Variants in TACO1 observed in about 807,000 individuals in gnomAD.
The protein encoded by TACO1 is translational activator of cytochrome c oxidase I.
A neutral mutation model predicts 24.0 loss-of-function variants in TACO1; 13 were observed. The observed-to-expected ratio is 0.54, with a 90% CI of 0.35 to 0.86. The LOEUF is 0.86. Among genes scored for constraint, TACO1 ranks in the 40% least tolerant of loss-of-function variants. The pLI, the probability that TACO1 is intolerant of heterozygous loss-of-function variation, is 0.01. For synonymous variants in TACO1, 149 were observed against 153.5 expected, an observed-to-expected ratio of 0.97 and a Z score of 0.22; for missense variants, 352 against 380.1, an observed-to-expected ratio of 0.93 and a Z score of 0.61.
In TACO1 at chr17:63,607,414, G is replaced by C; in HGVS notation, c.643G>C (p.Ala215Pro). The C allele has an allele frequency of 1.2e-6, 2 of 1,614,234 alleles. No individual in the cohort carries two copies. The highest frequency in any genetic ancestry group is 1.3e-5 in the African/African-American group (1 of 75,054). Residue 215 changes from alanine (A) to proline (P), a missense_variant, in exon 4 of 5, where the codon GCT becomes CCT. Transcript: ENST00000258975. ...RALEMAIEAG[A>P]EDVKETEDEE... is the part of the protein sequence containing the mutation. ...CCTGGAGATGGCAATCGAAGCAGGA[G>C]CTGAGGATGTCAAGGAAACTGAAGA...
Position 63,606,306 on chromosome 17 carries a change from A to C in TACO1, c.388-7A>C, listed in dbSNP as rs774595869. 7 of 1,612,986 alleles carry C rather than the reference A, an allele frequency of 4.3e-6. No individual in the cohort carries two copies. Among genetic ancestry groups the C allele is most frequent in the Non-Finnish European group, 5.9e-6 (7 of 1,180,028 alleles). ...ACAGGAAAATGTGCTTGTGTTGTTT[A>C]TTGCAGAAATCCAAGGACACTTATT... is the stretch of plus-strand genomic sequence containing the variant. On this transcript the variant is annotated splice_region_variant and splice_polypyrimidine_tract_variant and intron_variant, in intron 2 of 4. Coordinates refer to ENST00000258975, the MANE Select transcript of TACO1 (RefSeq NM_016360.4).
chr17:63,601,074 G>A lies in TACO1; in HGVS notation c.-10G>A. The A allele has an allele frequency of 2.6e-6, 4 of 1,539,964 alleles. No homozygotes were observed. Among genetic ancestry groups the A allele is most frequent in the Non-Finnish European group, 3.5e-6 (4 of 1,146,130 alleles). ...TGCTGCTAGCAGCTTGAACCCCAGG[G>A]TCGGGACCGATGTCGGCTTGGGCTG... On this transcript the variant is annotated 5_prime_UTR_variant, in exon 1 of 5. Coordinates refer to ENST00000258975, the MANE Select transcript of TACO1 (RefSeq NM_016360.4).
At chr17:63,604,194 C>T (rs945925105) in intron 1 of TACO1, among the ~76,000 whole-genome samples, 2 of 150,018 alleles carry the variant, frequency 1.3e-5, no homozygotes, top group African/African-American at 2.5e-5. Flanking sequence ...AAAAATTAGC[C>T]GGGTGTGGTG....
In TACO1 at chr17:63,608,229, C is replaced by T. The variant is rs2033878891; in HGVS notation, c.*227C>T. The T allele has an allele frequency of 3.3e-6, 2 of 598,644 alleles. No individual in the cohort carries two copies. Among genetic ancestry groups the T allele is most frequent in the South Asian group, 1.8e-5 (1 of 54,392 alleles). 37.1% of individuals were successfully genotyped at this position (598,644 alleles called of 1,614,324 possible). A position where few individuals can be genotyped will look rare whatever the true frequency, so the allele number is the denominator to read the frequency against. On this transcript the variant is annotated 3_prime_UTR_variant, in exon 5 of 5. Coordinates refer to ENST00000258975, the MANE Select transcript of TACO1 (RefSeq NM_016360.4). Reference sequence around the variant, plus strand: ...ATCTGGATGAGTGTCCCGACACCCTCTCGGATGCAGGGCAGGACCACCCAG... The same window carrying T: ...ATCTGGATGAGTGTCCCGACACCCTTTCGGATGCAGGGCAGGACCACCCAG...
Position 63,608,173 on chromosome 17 carries a change from T to C in TACO1, c.*171T>C. ...CCAAAGGAATCTCACTTGTGGGGCCTCCTTGTCAGCTCTGCTGCTGTCTCA... is the reference window on the plus strand; with the variant it reads ...CCAAAGGAATCTCACTTGTGGGGCCCCCTTGTCAGCTCTGCTGCTGTCTCA... On this transcript the variant is annotated 3_prime_UTR_variant, in exon 5 of 5. Transcript: ENST00000258975. 1.4e-6 allele frequency: 1 copy of C among 724,880 alleles called. No individual in the cohort carries two copies. The highest frequency in any genetic ancestry group is 2.4e-6 in the Non-Finnish European group (1 of 418,192). 44.9% of individuals were successfully genotyped at this position (724,880 alleles called of 1,614,324 possible). A position where few individuals can be genotyped will look rare whatever the true frequency, so the allele number is the denominator to read the frequency against.
At chr17:63,603,620 C>T (rs2147787189) in intron 1 of TACO1, among the ~76,000 whole-genome samples, 1 of 152,144 alleles carries the variant, frequency 6.6e-6, no homozygotes, top group African/African-American at 2.4e-5. Context: ...GCAGGAGAAT[C>T]CCTTGAACCC....
In TACO1 at chr17:63,604,614, A is replaced by G. The variant is rs1187927178; in HGVS notation, c.361A>G (p.Thr121Ala). The change falls in exon 2 of 5, where the codon ACG becomes GCG. Residue 121 changes from threonine (T) to alanine (A), a missense_variant. By Grantham distance (58) the Thr-to-Ala change is moderately conservative (BLOSUM62 0). Transcript: ENST00000258975. ...TCGCAGCAAACATATGCCCAAGTCA[A>G]CGATTGAGACAGCACTGAAAATGGA... ...VCRSKHMPKS[T>A]IETALKMEKS... 1 of 1,614,206 alleles carries G rather than the reference A, an allele frequency of 6.2e-7. No individual in the cohort carries two copies. The highest frequency in any genetic ancestry group is 2.2e-5 in the East Asian group (1 of 44,890).
chr17:63,607,397 T>C lies in TACO1; in HGVS notation c.626T>C (p.Met209Thr), dbSNP rs924378362. 5.6e-6 allele frequency: 9 copies of C among 1,614,004 alleles called. No homozygotes were observed. Among genetic ancestry groups the C allele is most frequent in the African/African-American group, 1.3e-5 (1 of 74,894 alleles). Residue 209 changes from methionine to threonine, a missense_variant, in exon 4 of 5, where the codon ATG becomes ACG. Coordinates refer to ENST00000258975, the MANE Select transcript of TACO1 (RefSeq NM_016360.4). Reference protein sequence around the residue: ...KAVNLERALEMAIEAGAEDVK... With the variant: ...KAVNLERALETAIEAGAEDVK... ...GTGAACCTAGAGCGTGCCCTGGAGA[T>C]GGCAATCGAAGCAGGAGCTGAGGAT...
chr17:63,604,570 C>T lies in TACO1; in HGVS notation c.317C>T (p.Ala106Val), dbSNP rs1296133626. The T allele has an allele frequency of 6.2e-7, 1 of 1,614,062 alleles. No individual in the cohort carries two copies. The highest frequency in any genetic ancestry group is 8.5e-7 in the Non-Finnish European group (1 of 1,180,002). The change falls in exon 2 of 5, where the codon GCC becomes GTC. Residue 106 changes from alanine (A) to valine (V), a missense_variant. By Grantham distance (64) the Ala-to-Val change is moderately conservative. Transcript: ENST00000258975. ...AACCCTGAGCACAACAGCAACCTGG[C>T]CAATATCTTAGAGGTGTGTCGCAGC... ...GPNPEHNSNL[A>V]NILEVCRSKH...
At position 63,607,963 on chromosome 17, in the gene TACO1, C is replaced by G. The variant is rs140123724; in HGVS notation, c.855C>G (p.Asn285Lys). Residue 285 changes from asparagine to lysine, a missense_variant, in exon 5 of 5, where the codon AAC becomes AAG. Physicochemically the swap from Asn to Lys is moderately conservative, Grantham distance 94. Transcript: ENST00000258975. ...QAAHLIQALS[N>K]HEDVIHVYDN... ...CACATCTCATTCAGGCTCTCAGCAA[C>G]CACGAGGATGTGATTCACGTCTATG... 3.1e-6 allele frequency: 5 copies of G among 1,614,110 alleles called. No homozygotes were observed. Among genetic ancestry groups the G allele is most frequent in the Admixed American group, 1.7e-5 (1 of 60,006 alleles).
At position 63,607,963 on chromosome 17, in the gene TACO1, C is replaced by T. The variant is rs140123724; in HGVS notation, c.855C>T (p.Asn285=). Reference sequence around the variant, plus strand: ...CACATCTCATTCAGGCTCTCAGCAACCACGAGGATGTGATTCACGTCTATG... The same window carrying T: ...CACATCTCATTCAGGCTCTCAGCAATCACGAGGATGTGATTCACGTCTATG... The part of the protein sequence containing the change: ...QAAHLIQALS[N]HEDVIHVYDN... The change falls in exon 5 of 5, where the codon AAC becomes AAT. Residue 285 remains asparagine (N), a synonymous_variant. Transcript: ENST00000258975. The T allele has an allele frequency of 1.2e-6, 2 of 1,614,110 alleles. No individual in the cohort carries two copies. The highest frequency in any genetic ancestry group is 1.3e-5 in the African/African-American group (1 of 74,934).
At position 63,600,956 on chromosome 17, in the gene TACO1, C is replaced by G. The variant is rs1328459324; in HGVS notation, c.-128C>G. 8.5e-6 allele frequency: 10 copies of G among 1,172,324 alleles called. No homozygotes were observed. The highest frequency in any genetic ancestry group is 9.6e-6 in the Non-Finnish European group (8 of 830,406). 72.6% of individuals were successfully genotyped at this position (1,172,324 alleles called of 1,614,324 possible). On this transcript the variant is annotated 5_prime_UTR_variant, in exon 1 of 5. Transcript: ENST00000258975. Reference sequence around the variant, plus strand: ...GCTGTTGAGCCGCCCCGGGCGGGCCCAAGCCTTTGGATCTCAGGTGACCGG... The same window carrying G: ...GCTGTTGAGCCGCCCCGGGCGGGCCGAAGCCTTTGGATCTCAGGTGACCGG...
At position 63,600,984 on chromosome 17, in the gene TACO1, C is replaced by T. The variant is rs1036555347; in HGVS notation, c.-100C>T. ...GCCTTTGGATCTCAGGTGACCGGCA[C>T]AGGCGGCCGCGGGGTCCGGAACTGC... On this transcript the variant is annotated 5_prime_UTR_variant, in exon 1 of 5. Transcript: ENST00000258975. The T allele has an allele frequency of 7.1e-7, 1 of 1,411,504 alleles. No individual in the cohort carries two copies. Among genetic ancestry groups the T allele is most frequent in the Non-Finnish European group, 9.6e-7 (1 of 1,039,146 alleles). 87.4% of individuals were successfully genotyped at this position (1,411,504 alleles called of 1,614,324 possible).
chr17:63,601,526 A>G (rs1459057745), intron 1 of TACO1, among the ~76,000 whole-genome samples, 163 bp downstream of exon 1: 1 of 151,816 alleles, frequency 6.6e-6, no homozygotes, highest in Non-Finnish European at 1.5e-5. Flanking sequence ...CAAAACACCT[A>G]CCCTACGTTG....
chr17:63,604,484 T>G lies in TACO1; in HGVS notation c.281-50T>G, dbSNP rs575161535. ...AAATCCCTTTTATTCTCCCATGTTG[T>G]AATGAGATGTCTTTGCTCACTCTTT... On this transcript the variant is annotated intron_variant, in intron 1 of 4. Transcript: ENST00000258975. 6.0e-6 allele frequency: 9 copies of G among 1,491,186 alleles called. No individual in the cohort carries two copies. In the East Asian group the frequency reaches 1.4e-4, roughly 22 times the overall value. The allele number at this position is 1,491,186 out of a possible 1,614,324, so 92.4% of individuals were successfully genotyped here. A position where few individuals can be genotyped will look rare whatever the true frequency, so the allele number is the denominator to read the frequency against.
At chr17:63,602,865 C>T (rs1444012894) in intron 1 of TACO1, among the ~76,000 whole-genome samples, 1 of 152,166 alleles carries the variant, frequency 6.6e-6, no homozygotes, top group Non-Finnish European at 1.5e-5. Context: ...TTGTGCCAGG[C>T]ATGCCATTGG....
chr17:63,607,250 G>A (rs750950307), intron 3 of TACO1, 37 bp from the exon 4 acceptor site: 1 of 1,593,196 alleles, frequency 6.3e-7, no homozygotes, highest in South Asian at 1.1e-5. Context: ...GCTTCTAGAG[G>A]CATCCACTCA....
chr17:63,601,439 T>G, intron 1 of TACO1, 76 bp downstream of exon 1: 13 of 1,525,584 alleles, frequency 8.5e-6, no homozygotes, highest in Non-Finnish European at 1.2e-5. Flanking sequence ...CCTCTCGGAA[T>G]TGGGCCCACC....
chr17:63,606,241 A>G (rs1318517640), intron 2 of TACO1, 72 bp from the exon 3 acceptor site: 2 of 1,596,024 alleles, frequency 1.3e-6, no homozygotes, highest in Non-Finnish European at 1.7e-6. Context: ...GTTTTGCGAT[A>G]CTTGTAGTTC....
Sources: allele counts gnomAD v4.1 joint callset (sites outside exome capture counted in the v4.1 genomes callset), GRCh38; gene constraint gnomAD v4.1.1; transcripts MANE v1.5; gene names NCBI Gene and HGNC (gene_info 2026-07-23, HGNC 2026-07-21).